Variants in IFT140 observed in about 807,000 individuals in gnomAD.
The protein encoded by IFT140 is intraflagellar transport 140.
In IFT140, 133 loss-of-function variants were observed where a neutral mutation model predicts 164.6. That is an observed-to-expected ratio of 0.81 (90% CI 0.70 to 0.93). The LOEUF is 0.93. IFT140 is among the 40% of genes least tolerant of loss of function. IFT140 has a pLI of 0.00. For synonymous variants in IFT140, 860 were observed against 817.3 expected (o/e 1.05, Z -0.89); for missense variants, 2,045 against 1,972.3 (o/e 1.04, Z -0.70).
At chr16:1,529,341 C>T (rs1214556907) in intron 19 of IFT140, among the ~76,000 whole-genome samples, 1 of 152,176 alleles carries the variant, frequency 6.6e-6, no homozygotes, top group Non-Finnish European at 1.5e-5. Context: ...GGGAAGTGAG[C>T]CTGCCTCCCT....
chr16:1,576,716 A>G (rs942372263), intron 13 of IFT140: 2 of 152,210 alleles, frequency 1.3e-5, no homozygotes, highest in African/African-American at 4.8e-5. Flanking sequence ...TGCATAAAAT[A>G]TAGGTAGATA....
intron 19 of IFT140, among the ~76,000 whole-genome samples, chr16:1,557,269 T>C (rs2033148214): frequency 6.6e-6 from 1 of 152,170 alleles, no homozygotes; most frequent in Admixed American, 6.5e-5. Flanking sequence ...ACAGCTAGTG[T>C]GGAAGGCCCG....
intron 19 of IFT140, chr16:1,554,059 G>C (rs2141416201): frequency 1.1e-5 from 14 of 1,287,204 alleles, no homozygotes; most frequent in Non-Finnish European, 1.4e-5. Flanking sequence ...AGAGGGGAAA[G>C]CATGGAAGGA....
intron 13 of IFT140, among the ~76,000 whole-genome samples, chr16:1,573,798 T>C (rs1001537540): frequency 3.3e-5 from 5 of 152,106 alleles, no homozygotes; most frequent in Admixed American, 6.5e-5. Context: ...TCTCCACCCT[T>C]AAGCTTGGCT....
intron 1 of IFT140, among the ~76,000 whole-genome samples, chr16:1,611,606 G>C (rs370593973): frequency 1.3e-5 from 2 of 152,074 alleles, no homozygotes; most frequent in African/African-American, 4.8e-5. Flanking sequence ...CTTGAGGTCA[G>C]GAGTTCGAGA....
rs761898808 is a variant in IFT140, at chr16:1,541,929, G to T, written c.2400-15133C>A. ...CTGCTCTTGGCCCACAGTGCAGTTC[G>T]ACATGATGCGCGCCTGCAACCTGGT... On this transcript the variant is annotated intron_variant, in intron 19 of 30. Coordinates refer to ENST00000426508, the MANE Select transcript of IFT140 (RefSeq NM_014714.4). The T allele has an allele frequency of 1.2e-5, 19 of 1,602,320 alleles. No individual in the cohort carries two copies. In the Admixed American group the frequency reaches 3.2e-4, roughly 27 times the overall value.
At chr16:1,548,941 G>T (rs1180705915) in intron 19 of IFT140, among the ~76,000 whole-genome samples, 1 of 152,248 alleles carries the variant, frequency 6.6e-6, no homozygotes, top group Non-Finnish European at 1.5e-5. Flanking sequence ...CTCATGCCAG[G>T]CATCTGTTCA....
At chr16:1,567,075 C>T (rs565752512) in intron 15 of IFT140, among the ~76,000 whole-genome samples, 1 of 152,244 alleles carries the variant, frequency 6.6e-6, no homozygotes, top group East Asian at 1.9e-4. Context: ...AACATCTCCT[C>T]ACCCAGTTTC....
chr16:1,578,663 C>T (rs781777948), intron 13 of IFT140, among the ~76,000 whole-genome samples: 16 of 151,898 alleles, frequency 1.1e-4, no homozygotes, highest in Non-Finnish European at 1.9e-4. Flanking sequence ...GGGTGGATCA[C>T]GAGGTCAGGA....
intron 13 of IFT140, chr16:1,577,597 C>G (rs144877703): frequency 6.6e-6 from 1 of 152,190 alleles, no homozygotes; most frequent in South Asian, 2.1e-4. Context: ...CACAGCCTGG[C>G]CGGGCCGGCA....
chr16:1,527,444 C>G (rs981715262), intron 19 of IFT140, among the ~76,000 whole-genome samples: 1 of 152,318 alleles, frequency 6.6e-6, no homozygotes, highest in African/African-American at 2.4e-5. Flanking sequence ...GGGGACAGCA[C>G]CTTCCACCCC....
intron 19 of IFT140, among the ~76,000 whole-genome samples, chr16:1,535,171 G>A (rs902693458): frequency 2.0e-5 from 3 of 152,186 alleles, no homozygotes; most frequent in Non-Finnish European, 4.4e-5. Context: ...GAGAGCAGCA[G>A]CAGGATCCCC....
Position 1,561,362 on chromosome 16 carries a change from T to A in IFT140, c.2199+623A>T, listed in dbSNP as rs61394335. On this transcript the variant is annotated intron_variant, in intron 18 of 30. Coordinates refer to ENST00000426508, the MANE Select transcript of IFT140 (RefSeq NM_014714.4). ...AAGTCGCAGAGAAGGAAATAACTTGTTCAAAAGAACCTACTGGGGTGTGTG... is the reference window on the plus strand; with the variant it reads ...AAGTCGCAGAGAAGGAAATAACTTGATCAAAAGAACCTACTGGGGTGTGTG... 4.0e-3 allele frequency among the ~76,000 whole-genome samples: 612 copies of A among 152,310 alleles called. 6 individuals carry two copies. The highest frequency in any genetic ancestry group is 0.014 in the African/African-American group (583 of 41,566).
chr16:1,525,251 G>A lies in IFT140; in HGVS notation c.2844C>T (p.Tyr948=), dbSNP rs777036003. ...CTCACTTATCCTTCATTTTATTCAC[G>A]TAGAGCTCCAGGGACGGCAGGTCCT... is the stretch of plus-strand genomic sequence containing the variant. ...LSEDLPSLEL[Y]VNKMKDKTLW... The change falls in exon 22 of 31, where the codon TAC becomes TAT. Residue 948 remains tyrosine (Y), a synonymous_variant. Coordinates refer to ENST00000426508, the MANE Select transcript of IFT140 (RefSeq NM_014714.4). The A allele has an allele frequency of 8.5e-5, 137 of 1,612,174 alleles. No individual in the cohort carries two copies. The highest frequency in any genetic ancestry group is 4.2e-4 in the East Asian group (19 of 44,874).
intron 15 of IFT140, among the ~76,000 whole-genome samples, chr16:1,567,669 C>G (rs1008718603): frequency 6.6e-6 from 1 of 152,198 alleles, no homozygotes; most frequent in Non-Finnish European, 1.5e-5. Context: ...CTTGAACAAG[C>G]GAATGAACAA....
chr16:1,585,686 C>T (rs866254853), intron 10 of IFT140, among the ~76,000 whole-genome samples: 1 of 150,432 alleles, frequency 6.6e-6, no homozygotes, highest in Non-Finnish European at 1.5e-5. Flanking sequence ...TTTAAAATGT[C>T]TTATTATTGT....
rs762202985 is a variant in IFT140, at chr16:1,589,579, G to C, written c.810+26C>G. 6 of 1,604,012 alleles carry C rather than the reference G, an allele frequency of 3.7e-6. No individual in the cohort carries two copies. The Admixed American group carries it at 6.7e-5, about 18-fold the overall frequency. On this transcript the variant is annotated intron_variant, in intron 7 of 30. Coordinates refer to ENST00000426508, the MANE Select transcript of IFT140 (RefSeq NM_014714.4). ...GAACCTGGCCCAAGATCCCCAGCGTGAGCCCCCAAGCCCACTCCCACTCAC... is the reference window on the plus strand; with the variant it reads ...GAACCTGGCCCAAGATCCCCAGCGTCAGCCCCCAAGCCCACTCCCACTCAC...
chr16:1,592,451 C>T lies in IFT140; in HGVS notation c.491+16G>A. The T allele has an allele frequency of 6.2e-7, 1 of 1,613,436 alleles. No homozygotes were observed. Among genetic ancestry groups the T allele is most frequent in the Non-Finnish European group, 8.5e-7 (1 of 1,179,584 alleles). On this transcript the variant is annotated intron_variant, in intron 5 of 30. Transcript: ENST00000426508. ...GTAAACACACACACAGGTCACAGGGCAAGCCCCACACTTACTCGCCAGGAG... is the reference window on the plus strand; with the variant it reads ...GTAAACACACACACAGGTCACAGGGTAAGCCCCACACTTACTCGCCAGGAG...
At chr16:1,534,182 C>A in intron 19 of IFT140, 1 of 1,527,652 alleles carries the variant, frequency 6.5e-7, no homozygotes, top group Non-Finnish European at 8.8e-7. Context: ...GTGATGTCCT[C>A]TAGCCACCCC....
Sources: allele counts gnomAD v4.1 joint callset (sites outside exome capture counted in the v4.1 genomes callset), GRCh38; gene constraint gnomAD v4.1.1; transcripts MANE v1.5; gene names NCBI Gene and HGNC (gene_info 2026-07-23, HGNC 2026-07-21).